The following FHIT variants were observed in gnomAD, a reference collection of about 807,000 sequenced individuals.
FHIT encodes the protein fragile histidine triad diadenosine triphosphatase, also known as bis(5'-adenosyl)-triphosphatase.
In FHIT, 19 loss-of-function variants were observed where a neutral mutation model predicts 17.9. The observed-to-expected ratio is 1.06, with a 90% CI of 0.74 to 1.56. FHIT has a LOEUF of 1.56. Among genes scored for constraint, FHIT ranks in the 40% most tolerant of loss-of-function variants. FHIT has a pLI of 0.00. For synonymous variants in FHIT, 81 were observed against 69.7 expected, an observed-to-expected ratio of 1.16 and a Z score of -0.81; for missense variants, 248 against 189.2, an observed-to-expected ratio of 1.31 and a Z score of -1.82.
Position 60,124,065 on chromosome 3 carries a change from G to GAC in FHIT, c.104-109914_104-109913insGT, listed in dbSNP as rs1319174518. 2.1e-3 allele frequency among the ~76,000 whole-genome samples: 231 copies of GAC among 108,074 alleles called. 1 individual carries two copies. The highest frequency in any genetic ancestry group is 4.2e-3 in the Middle Eastern group (1 of 236). 70.9% of individuals were successfully genotyped at this position (108,074 alleles called of 152,430 possible). A position where few individuals can be genotyped will look rare whatever the true frequency, so the allele number is the denominator to read the frequency against. On this transcript the variant is annotated intron_variant, in intron 5 of 9. Coordinates refer to ENST00000492590, the MANE Select transcript of FHIT (RefSeq NM_002012.4). ...AGAGAGAGAGAGAGAGACAGAGAGA[G>GAC]AGAGAGATACAAAGTCTCACTCTGT...
At chr3:61,027,607 A>G (rs1426978626) in intron 3 of FHIT, among the ~76,000 whole-genome samples, 1 of 152,234 alleles carries the variant, frequency 6.6e-6, no homozygotes, top group Non-Finnish European at 1.5e-5. Context: ...AGATTAACTT[A>G]AAGTGTGCCA....
intron 3 of FHIT, among the ~76,000 whole-genome samples, chr3:60,983,101 G>T (rs185607307): frequency 1.3e-4 from 20 of 151,506 alleles, no homozygotes; most frequent in Admixed American, 3.3e-4. Context: ...ACCTCTGATG[G>T]CTCCTTTTAT....
At chr3:60,256,933 G>A (rs982911450) in intron 5 of FHIT, among the ~76,000 whole-genome samples, 1 of 152,116 alleles carries the variant, frequency 6.6e-6, no homozygotes, top group African/African-American at 2.4e-5. Flanking sequence ...GTGTCTTCAA[G>A]GTATTTTACA....
chr3:60,130,981 ACAC>A (rs1699546519), intron 5 of FHIT, among the ~76,000 whole-genome samples: 2 of 103,240 alleles, frequency 1.9e-5, no homozygotes, highest in Non-Finnish European at 4.5e-5. Flanking sequence ...GTATATATAT[ACAC>A]ATATATACAC....
chr3:60,736,388 C>T (rs1553712611), intron 4 of FHIT, among the ~76,000 whole-genome samples: 1 of 151,230 alleles, frequency 6.6e-6, no homozygotes. Context: ...GGAAAAAAAA[C>T]CTTAAATTTC....
At chr3:60,768,864 G>T (rs1699942286) in intron 4 of FHIT, among the ~76,000 whole-genome samples, 1 of 152,230 alleles carries the variant, frequency 6.6e-6, no homozygotes, top group South Asian at 2.1e-4. Context: ...CAAAGATACA[G>T]AAAAATACCC....
intron 2 of FHIT, among the ~76,000 whole-genome samples, chr3:61,158,532 T>G (rs1398907655): frequency 6.6e-6 from 1 of 152,198 alleles, no homozygotes; most frequent in Non-Finnish European, 1.5e-5. Context: ...AGGCAGTCCT[T>G]GTACCCCTAC....
chr3:60,018,406 G>T (rs559957482), intron 5 of FHIT, among the ~76,000 whole-genome samples: 6 of 152,154 alleles, frequency 3.9e-5, no homozygotes, highest in Non-Finnish European at 8.8e-5. Flanking sequence ...ATCTATAGCA[G>T]TGTTGCTGTG....
intron 5 of FHIT, among the ~76,000 whole-genome samples, chr3:60,429,812 T>C (rs922100831): frequency 1.3e-5 from 2 of 152,064 alleles, no homozygotes; most frequent in African/African-American, 4.8e-5. Flanking sequence ...ACTCACTGTA[T>C]AGGTGTGGAA....
At chr3:60,610,294 A>G (rs1159446637) in intron 4 of FHIT, among the ~76,000 whole-genome samples, 1 of 152,164 alleles carries the variant, frequency 6.6e-6, no homozygotes, top group African/African-American at 2.4e-5. Context: ...TGATTTAAAT[A>G]TTTATACAGT....
At chr3:59,990,277 G>C (rs1464261109) in intron 7 of FHIT, among the ~76,000 whole-genome samples, 1 of 152,046 alleles carries the variant, frequency 6.6e-6, no homozygotes, top group Non-Finnish European at 1.5e-5. Flanking sequence ...GGCATGATGA[G>C]AGTGAGGGGA....
chr3:60,844,903 C>T (rs1424496530), intron 3 of FHIT, among the ~76,000 whole-genome samples: 3 of 152,010 alleles, frequency 2.0e-5, no homozygotes, highest in African/African-American at 7.2e-5. Context: ...GATCATTTTC[C>T]CTGAGGGTGC....
intron 8 of FHIT, among the ~76,000 whole-genome samples, chr3:59,813,808 A>T (rs1335041653): frequency 6.6e-6 from 1 of 152,146 alleles, no homozygotes; most frequent in East Asian, 1.9e-4. Flanking sequence ...ACGTGACTCA[A>T]TAAACAGCTA....
chr3:60,068,574 T>A (rs115224482), intron 5 of FHIT, among the ~76,000 whole-genome samples: 2,473 of 152,306 alleles, frequency 0.016, 30 homozygotes, highest in Non-Finnish European at 0.02. Flanking sequence ...CCAAGGGGTA[T>A]CCTAGGCCCA....
At chr3:60,037,390 CT>C (rs35755244) in intron 5 of FHIT, among the ~76,000 whole-genome samples, 74,940 of 133,548 alleles carry the variant, frequency 0.56, 20,800 homozygotes, top group Non-Finnish European at 0.68. Flanking sequence ...CCAAGTCTTT[CT>C]TTTTTTTTTT....
At chr3:60,663,482 C>A (rs1190754925) in intron 4 of FHIT, among the ~76,000 whole-genome samples, 2 of 151,988 alleles carry the variant, frequency 1.3e-5, no homozygotes, top group African/African-American at 4.8e-5. Flanking sequence ...GTTGCCCAGG[C>A]TGGAGTGCAG....
At position 60,174,961 on chromosome 3, in the gene FHIT, T is replaced by A. The variant is rs773528206; in HGVS notation, c.104-160809A>T. On this transcript the variant is annotated intron_variant, in intron 5 of 9. Transcript: ENST00000492590. Reference sequence around the variant, plus strand: ...ACAGTGCCTGGCACGTAGTGAATTTTAAAAAATATAGGTTGACTGTGTGAA... The same window carrying A: ...ACAGTGCCTGGCACGTAGTGAATTTAAAAAAATATAGGTTGACTGTGTGAA... Among the ~76,000 whole-genome samples the A allele has an allele frequency of 2.1e-3, 324 of 152,304 alleles. 2 individuals are homozygous for A. Among genetic ancestry groups the A allele is most frequent in the Non-Finnish European group, 3.5e-3 (241 of 68,034 alleles).
At chr3:60,552,901 C>T (rs2036607079) in intron 4 of FHIT, among the ~76,000 whole-genome samples, 1 of 152,174 alleles carries the variant, frequency 6.6e-6, no homozygotes, top group African/African-American at 2.4e-5. Flanking sequence ...GATGGGTTTT[C>T]TCCAGGCACT....
chr3:60,272,226 C>T (rs921531639), intron 5 of FHIT, among the ~76,000 whole-genome samples: 4 of 152,198 alleles, frequency 2.6e-5, no homozygotes, highest in African/African-American at 9.7e-5. Context: ...GGTATTTATA[C>T]AATTAACTCC....
Sources: gnomAD v4.1 joint callset for allele counts (sites outside exome capture counted in the v4.1 genomes callset) on GRCh38, gnomAD v4.1.1 for gene constraint, MANE v1.5 for transcripts, NCBI Gene and HGNC (gene_info 2026-07-23, HGNC 2026-07-21) for gene names.